Variants in MTX2 observed in about 807,000 individuals in gnomAD.
MTX2 encodes metaxin 2.
In MTX2, 35 loss-of-function variants were observed where a neutral mutation model predicts 42.3. The ratio of observed to expected loss-of-function variants is 0.83; its 90% CI spans 0.63 to 1.10. The LOEUF is 1.10. Among genes scored for constraint, MTX2 ranks in the 50% least tolerant of loss-of-function variants. The pLI is 0.00. For missense variants in MTX2, 307 were observed against 304.1 expected (o/e 1.01, Z -0.07); for synonymous variants, 119 against 100.9 (o/e 1.18, Z -1.08).
intron 3 of MTX2, among the ~76,000 whole-genome samples, chr2:176,309,760 G>C (rs1412484580): frequency 1.6e-5 from 2 of 128,884 alleles, no homozygotes; most frequent in Admixed American, 8.2e-5. Flanking sequence ...TTGCTTGGTA[G>C]ATCTTCCCCC....
At chr2:176,319,658 C>T (rs1163894983) in intron 3 of MTX2, among the ~76,000 whole-genome samples, 1 of 151,988 alleles carries the variant, frequency 6.6e-6, no homozygotes. Flanking sequence ...TCACTGCAAC[C>T]TCTGCCTCCC....
At chr2:176,297,060 A>G (rs1353938052) in intron 2 of MTX2, among the ~76,000 whole-genome samples, 153 bp downstream of exon 2, 1 of 152,206 alleles carries the variant, frequency 6.6e-6, no homozygotes, top group Admixed American at 6.5e-5. Flanking sequence ...CTGAACTTGT[A>G]TCTGCCAGTG....
chr2:176,323,731 GA>G, intron 4 of MTX2, among the ~76,000 whole-genome samples: 1 of 151,666 alleles, frequency 6.6e-6, no homozygotes, highest in Non-Finnish European at 1.5e-5. Flanking sequence ...AAATGTTAAG[GA>G]AATACATGAT....
chr2:176,324,996 A>G (rs951023075), intron 4 of MTX2, among the ~76,000 whole-genome samples: 6 of 151,704 alleles, frequency 4.0e-5, no homozygotes, highest in African/African-American at 1.4e-4. Context: ...AGACCAGTTG[A>G]CTTAAACTCT....
chr2:176,275,309 G>A (rs1471829591), intron 1 of MTX2, among the ~76,000 whole-genome samples: 2 of 151,846 alleles, frequency 1.3e-5, no homozygotes, highest in African/African-American at 4.8e-5. Flanking sequence ...CACAACCTTG[G>A]CTCACTGCAA....
intron 3 of MTX2, among the ~76,000 whole-genome samples, chr2:176,306,785 T>A (rs1269471704): frequency 1.3e-5 from 2 of 152,208 alleles, no homozygotes; most frequent in African/African-American, 2.4e-5. Flanking sequence ...TTTTTTGAGT[T>A]CTTTGTAGAT....
intron 2 of MTX2, among the ~76,000 whole-genome samples, chr2:176,297,543 C>G (rs3769993): frequency 0.31 from 46,948 of 151,892 alleles, 8,423 homozygotes; most frequent in African/African-American, 0.49. Flanking sequence ...AAAGGTTTCA[C>G]CAGATTTTAC....
chr2:176,303,282 T>C (rs1420940172), intron 3 of MTX2, among the ~76,000 whole-genome samples: 1 of 152,152 alleles, frequency 6.6e-6, no homozygotes, highest in African/African-American at 2.4e-5. Flanking sequence ...TTTAGGTTTT[T>C]AAAATTTGTA....
intron 3 of MTX2, among the ~76,000 whole-genome samples, chr2:176,302,887 T>C (rs190485232): frequency 2.4e-4 from 37 of 152,328 alleles, no homozygotes; most frequent in African/African-American, 7.5e-4. Flanking sequence ...CTAATGCTAA[T>C]ATCCAAATGT....
intron 3 of MTX2, among the ~76,000 whole-genome samples, chr2:176,312,566 T>C (rs1684340249): frequency 6.6e-6 from 1 of 152,132 alleles, no homozygotes; most frequent in Admixed American, 6.6e-5. Flanking sequence ...CACTATTCTT[T>C]TGAAAAGTGC....
chr2:176,296,737 G>A, intron 1 of MTX2, 123 bp from the exon 2 acceptor site: 1 of 923,934 alleles, frequency 1.1e-6, no homozygotes, highest in African/African-American at 1.6e-5. Flanking sequence ...TAGTTGCCAT[G>A]TATAAGTCAA....
intron 3 of MTX2, among the ~76,000 whole-genome samples, chr2:176,303,692 A>G (rs938296928): frequency 6.6e-6 from 1 of 152,122 alleles, no homozygotes; most frequent in African/African-American, 2.4e-5. Context: ...CAACACTTAA[A>G]TGGCATGGTG....
chr2:176,329,535 C>A, intron 8 of MTX2, 109 bp downstream of exon 8: 1 of 1,128,664 alleles, frequency 8.9e-7, no homozygotes, highest in Non-Finnish European at 1.2e-6. Flanking sequence ...GCAAGAAAAC[C>A]ATTTCCTGTG....
rs750728470 is a variant in MTX2 at position 176,269,701 on chromosome 2, G to A, written c.40+32G>A. 2.5e-6 allele frequency: 4 copies of A among 1,581,984 alleles called. No homozygotes were observed. The East Asian group carries it at 6.9e-5, about 27-fold the overall frequency. ...CGGCTGGCCGCAGACCCAGAAGGTG[G>A]CGGCGCGGTCTCGGGGAGCCGCGTG... is the stretch of plus-strand genomic sequence containing the variant. On this transcript the variant is annotated intron_variant, in intron 1 of 9. Transcript: ENST00000249442.
chr2:176,285,471 T>C (rs935255687), intron 1 of MTX2, among the ~76,000 whole-genome samples: 1 of 149,732 alleles, frequency 6.7e-6, no homozygotes, highest in Non-Finnish European at 1.5e-5. Context: ...TACCACAGTC[T>C]AACAGTAGGT....
intron 8 of MTX2, among the ~76,000 whole-genome samples, chr2:176,330,038 A>G (rs1229395141): frequency 1.3e-5 from 2 of 151,242 alleles, no homozygotes; most frequent in South Asian, 2.1e-4. Flanking sequence ...AATACTAGCC[A>G]GCCATCTCAC....
At chr2:176,304,036 G>GA (rs1212275549) in intron 3 of MTX2, among the ~76,000 whole-genome samples, 1 of 151,834 alleles carries the variant, frequency 6.6e-6, no homozygotes, top group African/African-American at 2.4e-5. Flanking sequence ...TTTTAAAACA[G>GA]AAAAAGGCTA....
At chr2:176,287,136 G>A (rs1467096226) in intron 1 of MTX2, among the ~76,000 whole-genome samples, 1 of 152,174 alleles carries the variant, frequency 6.6e-6, no homozygotes, top group Non-Finnish European at 1.5e-5. Flanking sequence ...GTACACATAA[G>A]GAGATAGGCC....
Position 176,337,716 on chromosome 2 carries a change from A to G in MTX2, c.*52A>G, listed in dbSNP as rs375922148. On this transcript the variant is annotated 3_prime_UTR_variant, in exon 10 of 10. Coordinates refer to ENST00000249442, the MANE Select transcript of MTX2 (RefSeq NM_006554.5). ...AACTTTTGAAATATGTTTTACTTGA[A>G]TGTTACATTAGATATTGGTGTCAGA... 2.3e-5 allele frequency: 33 copies of G among 1,449,112 alleles called. No homozygotes were observed. The highest frequency in any genetic ancestry group is 1.8e-4 in the Middle Eastern group (1 of 5,514). The allele number at this position is 1,449,112 out of a possible 1,614,324, so 89.8% of individuals were successfully genotyped here. A position where few individuals can be genotyped will look rare whatever the true frequency, so the allele number is the denominator to read the frequency against.
Sources: allele counts gnomAD v4.1 joint callset (sites outside exome capture counted in the v4.1 genomes callset), GRCh38; gene constraint gnomAD v4.1.1; transcripts MANE v1.5; gene names NCBI Gene and HGNC (gene_info 2026-07-23, HGNC 2026-07-21).